ELK3: variants seen among roughly 807,000 people sequenced by gnomAD.
The protein encoded by ELK3 is ETS domain-containing protein Elk-3.
ELK3 carries 10 observed loss-of-function variants against 28.9 expected under a neutral mutation model. That is an observed-to-expected ratio of 0.35 (90% CI 0.21 to 0.59). The LOEUF (loss-of-function observed/expected upper bound fraction) is 0.59, where lower values mean the gene tolerates loss of function less well. Among genes scored for constraint, ELK3 ranks in the 20% least tolerant of loss-of-function variants. The probability of loss-of-function intolerance (pLI) is 0.82; values close to 1 mark genes in which losing one functional copy is unlikely to be tolerated. For synonymous variants in ELK3, 272 were observed against 243.5 expected (o/e 1.12, Z -1.09); for missense variants, 463 against 517.3 (o/e 0.90, Z 1.02).
At chr12:96,232,443 G>A (rs755338725) in intron 2 of ELK3, among the ~76,000 whole-genome samples, 3 of 151,326 alleles carry the variant, frequency 2.0e-5, no homozygotes, top group East Asian at 1.9e-4. Context: ...GGTGGTGTGC[G>A]CCTATAAATC....
intron 3 of ELK3, among the ~76,000 whole-genome samples, chr12:96,249,836 A>T (rs531506407): frequency 7.4e-4 from 113 of 152,274 alleles, no homozygotes; most frequent in Middle Eastern, 3.4e-3. Flanking sequence ...TGCCCAACAA[A>T]TGGATGCAGA....
chr12:96,212,991 A>G (rs1951587574), intron 1 of ELK3: 1 of 152,202 alleles, frequency 6.6e-6, no homozygotes, highest in African/African-American at 2.4e-5. Flanking sequence ...GATTCATTAC[A>G]CACCTTTTAA....
intron 2 of ELK3, 117 bp from the exon 3 acceptor site, chr12:96,246,823 A>C (rs1318910376): frequency 1.8e-6 from 2 of 1,083,466 alleles, no homozygotes; most frequent in Non-Finnish European, 2.6e-6. Flanking sequence ...TCCTTAGCCA[A>C]GAATGTAAAT....
chr12:96,207,433 A>C (rs1429483632), intron 1 of ELK3, among the ~76,000 whole-genome samples: 1 of 152,242 alleles, frequency 6.6e-6, no homozygotes, highest in Non-Finnish European at 1.5e-5. Context: ...GCAGGTGATG[A>C]TATGTTGAAG....
At chr12:96,260,617 A>C (rs947713218) in intron 4 of ELK3, among the ~76,000 whole-genome samples, 5 of 152,328 alleles carry the variant, frequency 3.3e-5, no homozygotes, top group African/African-American at 1.2e-4. Flanking sequence ...ACTTGCTATC[A>C]TGGAGAAATC....
chr12:96,206,031 T>C (rs1454590889), intron 1 of ELK3, among the ~76,000 whole-genome samples: 1 of 152,224 alleles, frequency 6.6e-6, no homozygotes, highest in Non-Finnish European at 1.5e-5. Flanking sequence ...CCAAGTGTAC[T>C]GTGAATTCTC....
At chr12:96,199,255 G>T (rs552647329) in intron 1 of ELK3, among the ~76,000 whole-genome samples, 11 of 152,162 alleles carry the variant, frequency 7.2e-5, no homozygotes, top group Non-Finnish European at 1.5e-4. Context: ...GGAGAGGAAG[G>T]TGTGTTTTGT....
At chr12:96,230,051 A>G (rs1277869165) in intron 2 of ELK3, among the ~76,000 whole-genome samples, 1 of 152,208 alleles carries the variant, frequency 6.6e-6, no homozygotes, top group Non-Finnish European at 1.5e-5. Context: ...TCTGGTCCAC[A>G]GTGGGCCACG....
intron 2 of ELK3, among the ~76,000 whole-genome samples, chr12:96,235,585 C>T (rs1320674892): frequency 6.6e-6 from 1 of 152,150 alleles, no homozygotes; most frequent in Non-Finnish European, 1.5e-5. Flanking sequence ...ACCTACCCCT[C>T]CTTTAGCAAG....
rs1039875506 is a variant in ELK3 at position 96,259,747 on chromosome 12, T to C, written c.1019T>C (p.Leu340Pro). The C allele has an allele frequency of 6.2e-7, 1 of 1,610,118 alleles. No homozygotes were observed. Among genetic ancestry groups the C allele is most frequent in the African/African-American group, 1.3e-5 (1 of 74,866 alleles). Residue 340 changes from leucine (L) to proline (P), a missense_variant, in exon 4 of 5, where the codon CTT (leucine) becomes CCT (proline). Transcript: ENST00000228741. The stretch of plus-strand genomic sequence containing the variant: ...ACTTCCCAGACACCAAATGGATTGC[T>C]TCTGACTCCGAGTCCACTGCTCTCC... ...FFTAQTPNGL[L>P]LTPSPLLSSI... is the part of the protein sequence containing the mutation.
At chr12:96,256,304 C>T (rs898740984) in intron 3 of ELK3, among the ~76,000 whole-genome samples, 2 of 151,982 alleles carry the variant, frequency 1.3e-5, no homozygotes, top group African/African-American at 2.4e-5. Flanking sequence ...GCCTGGGATG[C>T]GGGTGGTAAA....
chr12:96,230,765 C>T (rs1951735076), intron 2 of ELK3, among the ~76,000 whole-genome samples: 1 of 152,220 alleles, frequency 6.6e-6, no homozygotes. Flanking sequence ...GCTCTGATCA[C>T]TGTGCTCAGA....
intron 2 of ELK3, among the ~76,000 whole-genome samples, chr12:96,228,444 A>AAAG (rs1951720217): frequency 7.0e-6 from 1 of 142,540 alleles, no homozygotes; most frequent in African/African-American, 2.6e-5. Flanking sequence ...AAAAAAAAAA[A>AAAG]GAAGATCAAA....
chr12:96,195,712 GA>G (rs1565774547), intron 1 of ELK3, among the ~76,000 whole-genome samples: 4 of 152,162 alleles, frequency 2.6e-5, no homozygotes, highest in Admixed American at 6.5e-5. Context: ...GAAACGGCAA[GA>G]CTAATTGCCA....
chr12:96,263,527 A>C (rs1952008477), intron 4 of ELK3, among the ~76,000 whole-genome samples: 1 of 152,216 alleles, frequency 6.6e-6, no homozygotes, highest in African/African-American at 2.4e-5. Context: ...AGTTCAACAA[A>C]TCTAACCCCA....
intron 2 of ELK3, among the ~76,000 whole-genome samples, chr12:96,227,515 T>A (rs12319852): frequency 0.18 from 15,467 of 84,726 alleles, 880 homozygotes; most frequent in South Asian, 0.31. Context: ...GGAAAATGTG[T>A]GCAAACTTGC....
intron 4 of ELK3, among the ~76,000 whole-genome samples, chr12:96,264,364 G>A (rs141822988): frequency 5.9e-5 from 9 of 152,310 alleles, no homozygotes; most frequent in Non-Finnish European, 1.0e-4. Flanking sequence ...ATAATTAGAA[G>A]ACATTTTAGA....
intron 1 of ELK3, among the ~76,000 whole-genome samples, chr12:96,210,728 T>A (rs974684113): frequency 1.3e-5 from 2 of 152,188 alleles, no homozygotes; most frequent in Admixed American, 6.5e-5. Flanking sequence ...ACGATACAGA[T>A]CTTTGAAAGG....
chr12:96,209,013 G>T (rs1234232331), intron 1 of ELK3, among the ~76,000 whole-genome samples: 1 of 152,172 alleles, frequency 6.6e-6, no homozygotes, highest in African/African-American at 2.4e-5. Context: ...AGAGGAAGGG[G>T]TGATGTCACA....
Sources: allele counts gnomAD v4.1 joint callset (sites outside exome capture counted in the v4.1 genomes callset), GRCh38; gene constraint gnomAD v4.1.1; transcripts MANE v1.5; gene names NCBI Gene and HGNC (gene_info 2026-07-23, HGNC 2026-07-21).